SDK1: variants seen among roughly 807,000 people sequenced by gnomAD.
SDK1 encodes sidekick cell adhesion molecule 1, also known as protein sidekick-1.
SDK1 carries 157 observed loss-of-function variants against 245.5 expected under a neutral mutation model. The ratio of observed to expected loss-of-function variants is 0.64; its 90% CI spans 0.56 to 0.73. The LOEUF (loss-of-function observed/expected upper bound fraction) is 0.73. SDK1 is among the 30% of genes least tolerant of loss of function. SDK1 has a pLI of 0.00. For missense variants in SDK1, 3,583 were observed against 3,002.3 expected, an observed-to-expected ratio of 1.19 and a Z score of -4.52; for synonymous variants, 1,647 against 1,278.5, an observed-to-expected ratio of 1.29 and a Z score of -6.15.
At chr7:3,375,592 C>A (rs572172005) in intron 1 of SDK1, among the ~76,000 whole-genome samples, 1 of 152,252 alleles carries the variant, frequency 6.6e-6, no homozygotes, top group Middle Eastern at 3.4e-3. Context: ...TCTTGTGCTC[C>A]CTTGCATCAT....
chr7:3,694,400 T>G (rs566077661), intron 4 of SDK1, among the ~76,000 whole-genome samples: 2 of 152,258 alleles, frequency 1.3e-5, no homozygotes, highest in Admixed American at 1.3e-4. Flanking sequence ...ACAGTTAGAT[T>G]GAATCAGAGG....
intron 30 of SDK1, among the ~76,000 whole-genome samples, chr7:4,153,930 C>G (rs1297519116): frequency 6.6e-6 from 1 of 152,108 alleles, no homozygotes; most frequent in Non-Finnish European, 1.5e-5. Flanking sequence ...ATCCTCTCAC[C>G]TCAGCCTCCC....
chr7:4,241,942 C>A (rs766867917), intron 43 of SDK1, 29 bp downstream of exon 43: 2 of 1,608,280 alleles, frequency 1.2e-6, no homozygotes, highest in South Asian at 1.1e-5. Context: ...GCTGCGCCCA[C>A]CTGGGGATCT....
At chr7:3,890,740 G>A (rs760374295) in intron 5 of SDK1, among the ~76,000 whole-genome samples, 7 of 152,100 alleles carry the variant, frequency 4.6e-5, no homozygotes, top group East Asian at 1.9e-4. Flanking sequence ...TCAGGAGTTC[G>A]AGACGAGCCT....
intron 1 of SDK1, among the ~76,000 whole-genome samples, chr7:3,359,307 C>T (rs1455796333): frequency 6.6e-6 from 1 of 152,074 alleles, no homozygotes; most frequent in Admixed American, 6.5e-5. Context: ...GAATCTGGGT[C>T]CTGGAATGGT....
chr7:4,113,041 C>G (rs899929507), intron 23 of SDK1, among the ~76,000 whole-genome samples: 1 of 152,108 alleles, frequency 6.6e-6, no homozygotes, highest in East Asian at 1.9e-4. Flanking sequence ...GGGATTTGAT[C>G]CCCCGCCACC....
chr7:3,730,204 G>C (rs899018188), intron 4 of SDK1, among the ~76,000 whole-genome samples: 2 of 152,120 alleles, frequency 1.3e-5, no homozygotes. Flanking sequence ...GAAACAAACA[G>C]TCTAGGAAAT....
chr7:3,386,937 C>G (rs192593087), intron 1 of SDK1, among the ~76,000 whole-genome samples: 253 of 152,200 alleles, frequency 1.7e-3, no homozygotes, highest in African/African-American at 5.9e-3. Flanking sequence ...AGAGGAAAAC[C>G]CAGAGAGCTC....
intron 1 of SDK1, among the ~76,000 whole-genome samples, chr7:3,462,714 C>T (rs1254520681): frequency 6.6e-6 from 1 of 152,102 alleles, no homozygotes. Flanking sequence ...ATTTTCACCT[C>T]AAACACCTCT....
chr7:4,123,582 A>G lies in SDK1; in HGVS notation c.3824-3799A>G, dbSNP rs77468320. Among the ~76,000 whole-genome samples the G allele has an allele frequency of 1.0e-2, 1,518 of 152,214 alleles. 23 individuals carry two copies. Among genetic ancestry groups the G allele is most frequent in the African/African-American group, 0.026 (1,090 of 41,518 alleles). On this transcript the variant is annotated intron_variant, in intron 25 of 44. Coordinates refer to ENST00000404826, the MANE Select transcript of SDK1 (RefSeq NM_152744.4). ...CCTTCCTCTTTGGAGAACTGAGCAA[A>G]CTTCACATTGCAAGTATTCCCTTTC... is the stretch of plus-strand genomic sequence containing the variant.
chr7:3,753,197 CT>C (rs1328667603), intron 4 of SDK1, among the ~76,000 whole-genome samples: 1 of 152,180 alleles, frequency 6.6e-6, no homozygotes, highest in Non-Finnish European at 1.5e-5. Context: ...AATTTCATGA[CT>C]GTTTTTCAAC....
intron 1 of SDK1, among the ~76,000 whole-genome samples, chr7:3,407,746 A>C (rs1389955260): frequency 3.9e-5 from 6 of 152,188 alleles, no homozygotes. Context: ...GTACTGTTCT[A>C]GGCATTGGGT....
chr7:3,989,336 G>C (rs547868942), intron 14 of SDK1, among the ~76,000 whole-genome samples: 7 of 152,238 alleles, frequency 4.6e-5, no homozygotes, highest in Middle Eastern at 3.4e-3. Context: ...TGCTGTCAGG[G>C]GAACAGCACA....
chr7:3,660,584 A>G (rs1279575984), intron 4 of SDK1, among the ~76,000 whole-genome samples: 1 of 152,184 alleles, frequency 6.6e-6, no homozygotes, highest in African/African-American at 2.4e-5. Flanking sequence ...CCAGGTTGAA[A>G]AAAGGTCCTG....
At chr7:4,254,803 C>T (rs1787528700) in intron 44 of SDK1, among the ~76,000 whole-genome samples, 1 of 152,112 alleles carries the variant, frequency 6.6e-6, no homozygotes, top group South Asian at 2.1e-4. Context: ...CAGTGAAGTC[C>T]ATTTCCCCTG....
chr7:4,241,831 G>A lies in SDK1; in HGVS notation c.6169G>A (p.Asp2057Asn). 1 of 1,614,168 alleles carries A rather than the reference G, an allele frequency of 6.2e-7. No individual in the cohort carries two copies. The highest frequency in any genetic ancestry group is 8.5e-7 in the Non-Finnish European group (1 of 1,180,030). Residue 2057 changes from aspartate (D) to asparagine (N), a missense_variant, in exon 43 of 45, where the codon GAC (aspartate) becomes AAC (asparagine). Coordinates refer to ENST00000404826, the MANE Select transcript of SDK1 (RefSeq NM_152744.4). ...CACCATGGAGGAGTCTGTGACCCTG[G>A]ACAACGGAGGATTTGCTGCCCTGGA... is the stretch of plus-strand genomic sequence containing the variant. ...ISTMEESVTL[D>N]NGGFAALELS...
intron 5 of SDK1, among the ~76,000 whole-genome samples, chr7:3,880,541 GTC>G (rs1188969799): frequency 1.7e-5 from 2 of 118,258 alleles, no homozygotes; most frequent in African/African-American, 3.3e-5. Flanking sequence ...CAATGCCCTG[GTC>G]TTTTTTTTTT....
At chr7:3,344,915 A>G (rs534096091) in intron 1 of SDK1, among the ~76,000 whole-genome samples, 1 of 152,174 alleles carries the variant, frequency 6.6e-6, no homozygotes, top group African/African-American at 2.4e-5. Flanking sequence ...GAGATGCTTC[A>G]TTTCCAGGTC....
chr7:3,500,908 A>G (rs1717478576), intron 1 of SDK1, among the ~76,000 whole-genome samples: 1 of 151,646 alleles, frequency 6.6e-6, no homozygotes. Flanking sequence ...AATTATTAAG[A>G]ATTCTTTTTC....
Sources: allele counts gnomAD v4.1 joint callset (sites outside exome capture counted in the v4.1 genomes callset), GRCh38; gene constraint gnomAD v4.1.1; transcripts MANE v1.5; gene names NCBI Gene and HGNC (gene_info 2026-07-23, HGNC 2026-07-21).